Variants in DTNBP1 observed in about 807,000 individuals in gnomAD.
DTNBP1 encodes dysbindin.
Under a neutral mutation model 42.8 loss-of-function variants are expected in DTNBP1, and 35 were observed. The ratio of observed to expected loss-of-function variants is 0.82; its 90% CI spans 0.63 to 1.09. The LOEUF (loss-of-function observed/expected upper bound fraction) is 1.09. DTNBP1 is among the 50% of genes least tolerant of loss of function. The probability of loss-of-function intolerance (pLI) is 0.00; values close to 1 mark genes in which losing one functional copy is unlikely to be tolerated. For missense variants in DTNBP1, 457 were observed against 424.2 expected (o/e 1.08, Z -0.68); for synonymous variants, 171 against 162.2 (o/e 1.05, Z -0.41).
chr6:15,658,361 A>G (rs900977845), intron 1 of DTNBP1, among the ~76,000 whole-genome samples: 10 of 152,324 alleles, frequency 6.6e-5, no homozygotes, highest in Middle Eastern at 3.4e-3. Context: ...ATTTGACCAC[A>G]TTGTAATTTA....
At chr6:15,535,134 T>C (rs1773136598) in intron 7 of DTNBP1, among the ~76,000 whole-genome samples, 1 of 152,136 alleles carries the variant, frequency 6.6e-6, no homozygotes, top group African/African-American at 2.4e-5. Context: ...GTTCTCGTGA[T>C]AGTGAGTAGT....
intron 4 of DTNBP1, among the ~76,000 whole-genome samples, chr6:15,637,502 T>C (rs1409712990): frequency 6.6e-6 from 1 of 152,190 alleles, no homozygotes; most frequent in Non-Finnish European, 1.5e-5. Context: ...ATAAAACAAG[T>C]ATTTACCTGT....
intron 1 of DTNBP1, 45 bp downstream of exon 1, chr6:15,662,769 G>A: frequency 1.2e-6 from 2 of 1,610,616 alleles, no homozygotes; most frequent in Non-Finnish European, 1.7e-6. Context: ...CCAGGCGGCG[G>A]CCCGGCCCCC....
intron 7 of DTNBP1, among the ~76,000 whole-genome samples, chr6:15,554,877 G>A (rs1236861284): frequency 2.0e-5 from 3 of 151,996 alleles, no homozygotes; most frequent in African/African-American, 7.3e-5. Flanking sequence ...TTCCGTGGTC[G>A]GTGGTCTCTT....
intron 7 of DTNBP1, among the ~76,000 whole-genome samples, chr6:15,591,336 G>A (rs112774644): frequency 0.024 from 3,661 of 152,126 alleles, 158 homozygotes; most frequent in African/African-American, 0.083. Flanking sequence ...CTGACCTCAG[G>A]TGATCCCCCT....
chr6:15,552,209 T>G (rs1774251818), intron 7 of DTNBP1, among the ~76,000 whole-genome samples: 1 of 152,192 alleles, frequency 6.6e-6, no homozygotes, highest in Non-Finnish European at 1.5e-5. Flanking sequence ...ATGGAAAAGC[T>G]GGCCAGGAAA....
intron 7 of DTNBP1, among the ~76,000 whole-genome samples, chr6:15,590,025 C>T (rs1482586285): frequency 6.6e-6 from 1 of 152,152 alleles, no homozygotes; most frequent in Admixed American, 6.5e-5. Context: ...CTCTGCCTCC[C>T]AGGTTCAAGC....
Position 15,524,666 on chromosome 6 carries a change from G to A in DTNBP1, c.671C>T (p.Pro224Leu), listed in dbSNP as rs1482533048. 1 of 1,612,826 alleles carries A rather than the reference G, an allele frequency of 6.2e-7. No individual in the cohort carries two copies. Among genetic ancestry groups the A allele is most frequent in the Admixed American group, 1.7e-5 (1 of 60,006 alleles). ...GYLQIAERRE[P>L]IGSMSSMEVN... ...TTCCATGGATGACATGCTGCCTATG[G>A]GCTCTGCGGATAGATCAACACGAGA... is the stretch of plus-strand genomic sequence containing the variant. Residue 224 changes from proline to leucine, a missense_variant, in exon 9 of 10, where the codon CCC becomes CTC. Coordinates refer to ENST00000344537, the MANE Select transcript of DTNBP1 (RefSeq NM_032122.5).
chr6:15,572,272 G>A (rs932233418), intron 7 of DTNBP1, among the ~76,000 whole-genome samples: 1 of 152,310 alleles, frequency 6.6e-6, no homozygotes, highest in South Asian at 2.1e-4. Context: ...AGCTATAAGT[G>A]ATAAAGGTGA....
rs937866647 is a variant in DTNBP1, at chr6:15,587,733, G to C, written c.511+5326C>G. ...CCAAGGTCTGCCAAAAAATGGTTCT[G>C]AGACAACTGAATATCGATACGTAAA... On this transcript the variant is annotated intron_variant, in intron 7 of 9. Transcript: ENST00000344537. The surrounding 1 kb of genome is among the most constrained non-coding windows in gnomAD (Gnocchi z 4.1). 6.6e-6 allele frequency among the ~76,000 whole-genome samples: 1 copy of C among 152,168 alleles called. No individual in the cohort carries two copies. The highest frequency in any genetic ancestry group is 6.5e-5 in the Admixed American group (1 of 15,274).
At chr6:15,627,609 G>T in intron 4 of DTNBP1, 134 bp from the exon 5 acceptor site, 2 of 1,313,108 alleles carry the variant, frequency 1.5e-6, no homozygotes, top group Non-Finnish European at 2.0e-6. Context: ...TTCTAAAAGA[G>T]ACTGAAGTTG....
chr6:15,658,696 T>C (rs1214196779), intron 1 of DTNBP1, among the ~76,000 whole-genome samples: 1 of 152,124 alleles, frequency 6.6e-6, no homozygotes, highest in Non-Finnish European at 1.5e-5. Context: ...AAGGTAAAAG[T>C]CAAAGACCAG....
intron 7 of DTNBP1, among the ~76,000 whole-genome samples, chr6:15,589,357 C>T (rs1776203553): frequency 6.6e-6 from 1 of 152,252 alleles, no homozygotes; most frequent in African/African-American, 2.4e-5. Context: ...ACAAGATCCA[C>T]CTCAACCACT....
intron 3 of DTNBP1, among the ~76,000 whole-genome samples, chr6:15,646,884 A>G (rs757745365): frequency 5.3e-5 from 8 of 152,130 alleles, no homozygotes; most frequent in Non-Finnish European, 1.2e-4. Context: ...TTAAAGACTT[A>G]CATGTAAGAC....
intron 7 of DTNBP1, among the ~76,000 whole-genome samples, chr6:15,581,767 T>C (rs1400496501): frequency 6.6e-6 from 1 of 152,010 alleles, no homozygotes; most frequent in African/African-American, 2.4e-5. Flanking sequence ...GCATGAGCCA[T>C]CGCGCCCAGG....
At chr6:15,526,528 T>A (rs1043848168) in intron 8 of DTNBP1, among the ~76,000 whole-genome samples, 3 of 152,122 alleles carry the variant, frequency 2.0e-5, no homozygotes, top group Non-Finnish European at 4.4e-5. Context: ...GTTTAGATGA[T>A]CCCATGCTTG....
intron 6 of DTNBP1, among the ~76,000 whole-genome samples, chr6:15,598,835 A>T (rs1776614822): frequency 6.6e-6 from 1 of 152,210 alleles, no homozygotes; most frequent in African/African-American, 2.4e-5. Flanking sequence ...CATTATCTTT[A>T]AAATAAAACC....
chr6:15,618,331 T>C (rs535009632), intron 5 of DTNBP1, among the ~76,000 whole-genome samples: 1 of 152,152 alleles, frequency 6.6e-6, no homozygotes, highest in East Asian at 1.9e-4. Context: ...CTCGTTAGAA[T>C]AGCTATTGCC....
intron 9 of DTNBP1, chr6:15,523,851 A>T (rs1298394272): frequency 7.8e-7 from 1 of 1,287,172 alleles, no homozygotes; most frequent in Non-Finnish European, 1.0e-6. Flanking sequence ...AGCGGGTGAG[A>T]AGTTTAGAGG....
Sources: allele counts gnomAD v4.1 joint callset (sites outside exome capture counted in the v4.1 genomes callset), GRCh38; gene constraint gnomAD v4.1.1; non-coding constraint Gnocchi (gnomAD v3.1); transcripts MANE v1.5; gene names NCBI Gene and HGNC (gene_info 2026-07-23, HGNC 2026-07-21).